Variants in THSD7A observed in about 807,000 individuals in gnomAD.
The protein encoded by THSD7A is thrombospondin type-1 domain-containing protein 7A.
A neutral mutation model predicts 231.3 loss-of-function variants in THSD7A; 96 were observed. The ratio of observed to expected loss-of-function variants is 0.41; its 90% CI spans 0.35 to 0.49. The LOEUF is 0.49. Ranked by LOEUF, THSD7A falls within the 20% of genes least tolerant of loss-of-function variation. THSD7A has a pLI of 0.05. For synonymous variants in THSD7A, 940 were observed against 743.3 expected, an observed-to-expected ratio of 1.26 and a Z score of -4.30; for missense variants, 2,290 against 2,070.2, an observed-to-expected ratio of 1.11 and a Z score of -2.06.
At chr7:11,405,073 A>G (rs1041714184) in intron 22 of THSD7A, among the ~76,000 whole-genome samples, 1 of 151,920 alleles carries the variant, frequency 6.6e-6, no homozygotes, top group Non-Finnish European at 1.5e-5. Context: ...AATAACCCCT[A>G]TCAGGGTTAT....
At chr7:11,682,716 C>T (rs1296341952) in intron 1 of THSD7A, among the ~76,000 whole-genome samples, 2 of 152,004 alleles carry the variant, frequency 1.3e-5, no homozygotes, top group African/African-American at 4.8e-5. Context: ...TAAAACTAAC[C>T]AAGATATCCT....
intron 1 of THSD7A, among the ~76,000 whole-genome samples, chr7:11,670,896 T>C (rs1783361011): frequency 6.6e-6 from 1 of 152,218 alleles, no homozygotes; most frequent in East Asian, 1.9e-4. Context: ...GGCTAAATGC[T>C]TACATTTTCT....
intron 17 of THSD7A, among the ~76,000 whole-genome samples, chr7:11,413,388 G>T (rs376531896): frequency 1.3e-5 from 2 of 151,622 alleles, no homozygotes; most frequent in East Asian, 1.9e-4. Flanking sequence ...CTGAGTTCTC[G>T]GCCTTTAGGC....
chr7:11,398,178 C>T (rs182922913), intron 23 of THSD7A, among the ~76,000 whole-genome samples: 7 of 151,650 alleles, frequency 4.6e-5, no homozygotes, highest in South Asian at 2.1e-4. Context: ...AAATGTGGCA[C>T]GTATACACCA....
intron 2 of THSD7A, among the ~76,000 whole-genome samples, chr7:11,621,481 A>G (rs1214227618): frequency 2.0e-5 from 3 of 152,172 alleles, no homozygotes; most frequent in Non-Finnish European, 4.4e-5. Context: ...CCTCATTTTC[A>G]TATTTTATTT....
intron 1 of THSD7A, among the ~76,000 whole-genome samples, chr7:11,681,420 C>T (rs533084195): frequency 1.8e-4 from 27 of 152,014 alleles, no homozygotes; most frequent in African/African-American, 6.3e-4. Context: ...CCAAACAGAA[C>T]TTACGGAAGT....
intron 6 of THSD7A, among the ~76,000 whole-genome samples, chr7:11,517,309 A>C (rs1160346106): frequency 6.6e-6 from 1 of 151,836 alleles, no homozygotes; most frequent in African/African-American, 2.4e-5. Flanking sequence ...TGAACTCCTG[A>C]CCTCGTGATC....
intron 1 of THSD7A, among the ~76,000 whole-genome samples, chr7:11,736,691 C>A (rs946218149): frequency 6.6e-6 from 1 of 151,898 alleles, no homozygotes; most frequent in African/African-American, 2.4e-5. Context: ...CTTGTATCCT[C>A]CTGTATATAA....
intron 2 of THSD7A, among the ~76,000 whole-genome samples, chr7:11,608,172 C>T (rs938647619): frequency 8.5e-5 from 13 of 152,124 alleles, no homozygotes; most frequent in African/African-American, 2.9e-4. Context: ...GTAAATACTA[C>T]CTACCACACT....
chr7:11,769,153 A>AT (rs1227041855), intron 1 of THSD7A, among the ~76,000 whole-genome samples: 903 of 27,624 alleles, frequency 0.033, 133 homozygotes, highest in East Asian at 0.054. Context: ...ATATATATAT[A>AT]TTTTTTTTTT....
chr7:11,548,950 C>T (rs1789512973), intron 4 of THSD7A, among the ~76,000 whole-genome samples: 1 of 151,616 alleles, frequency 6.6e-6, no homozygotes, highest in Non-Finnish European at 1.5e-5. Context: ...ACAAGAATAC[C>T]CACTTGAGTG....
rs115200095 is a variant in THSD7A, at chr7:11,491,471, G to A, written c.1823-9489C>T. 9.6e-3 allele frequency among the ~76,000 whole-genome samples: 1,457 copies of A among 152,088 alleles called. 31 individuals carry two copies. Among genetic ancestry groups the A allele is most frequent in the African/African-American group, 0.033 (1,390 of 41,512 alleles). On this transcript the variant is annotated intron_variant, in intron 6 of 27. Coordinates refer to ENST00000423059, the MANE Select transcript of THSD7A (RefSeq NM_015204.3). The stretch of plus-strand genomic sequence containing the variant: ...ACTTTTCAAAACTGTAATTTAAACA[G>A]CTATACACAGCTACATTTGGTCATC...
intron 1 of THSD7A, among the ~76,000 whole-genome samples, chr7:11,774,853 G>A (rs185654243): frequency 1.1e-4 from 16 of 152,246 alleles, no homozygotes; most frequent in Non-Finnish European, 1.8e-4. Flanking sequence ...ACGGGAGTTC[G>A]AGACCAGCCT....
In THSD7A at chr7:11,407,653, ATGTAT is replaced by A. The variant is rs1468804434; in HGVS notation, c.3799-235_3799-231del. Among the ~76,000 whole-genome samples the A allele has an allele frequency of 2.3e-4, 35 of 152,334 alleles. 1 individual carries two copies. Among genetic ancestry groups the A allele is most frequent in the South Asian group, 1.7e-3 (8 of 4,832 alleles). On this transcript the variant is annotated intron_variant, in intron 19 of 27. Coordinates refer to ENST00000423059, the MANE Select transcript of THSD7A (RefSeq NM_015204.3). ...GAAGGGGCCCATTGAATCTATACTT[ATGTAT>A]TGTTTAAGTGTTTTCAATAAGCAAT...
intron 1 of THSD7A, among the ~76,000 whole-genome samples, chr7:11,763,050 T>C (rs560819454): frequency 6.6e-6 from 1 of 152,188 alleles, no homozygotes; most frequent in Non-Finnish European, 1.5e-5. Context: ...AGTCATTTCA[T>C]TGCTTAAAAT....
intron 2 of THSD7A, among the ~76,000 whole-genome samples, chr7:11,599,061 G>A (rs1780463068): frequency 6.6e-6 from 1 of 152,310 alleles, no homozygotes; most frequent in African/African-American, 2.4e-5. Context: ...ATGGAATACA[G>A]GAGATCCATT....
At chr7:11,740,496 C>T (rs80220541) in intron 1 of THSD7A, among the ~76,000 whole-genome samples, 4,096 of 152,016 alleles carry the variant, frequency 0.027, 200 homozygotes, top group African/African-American at 0.094. Flanking sequence ...TTAATATTCT[C>T]CAGCTGTGGT....
intron 1 of THSD7A, among the ~76,000 whole-genome samples, chr7:11,704,832 C>G (rs570896568): frequency 4.8e-4 from 73 of 150,944 alleles, no homozygotes; most frequent in African/African-American, 1.6e-3. Context: ...CATAATTTGC[C>G]AAGTTGTGTG....
chr7:11,815,944 T>C (rs1784681372), intron 1 of THSD7A, among the ~76,000 whole-genome samples: 1 of 152,146 alleles, frequency 6.6e-6, no homozygotes, highest in South Asian at 2.1e-4. Flanking sequence ...ATTTAATTTC[T>C]TCACAACTGT....
Sources: gnomAD v4.1 joint callset for allele counts (sites outside exome capture counted in the v4.1 genomes callset) on GRCh38, gnomAD v4.1.1 for gene constraint, MANE v1.5 for transcripts, NCBI Gene and HGNC (gene_info 2026-07-23, HGNC 2026-07-21) for gene names.